The following GRIN2B variants were observed in gnomAD, a reference collection of about 807,000 sequenced individuals.
GRIN2B encodes the protein glutamate ionotropic receptor NMDA type subunit 2B.
GRIN2B carries 5 observed loss-of-function variants against 114.5 expected under a neutral mutation model. The ratio of observed to expected loss-of-function variants is 0.04; its 90% CI spans 0.02 to 0.09. The LOEUF (loss-of-function observed/expected upper bound fraction) is 0.09. Ranked by LOEUF, GRIN2B falls within the 10% of genes least tolerant of loss-of-function variation. The pLI, the probability that GRIN2B is intolerant of heterozygous loss-of-function variation, is 1.00. For synonymous variants in GRIN2B, 787 were observed against 745.1 expected (o/e 1.06, Z -0.92); for missense variants, 1,108 against 1,943.5 (o/e 0.57, Z 8.08).
intron 2 of GRIN2B, among the ~76,000 whole-genome samples, chr12:13,929,837 G>A (rs1428426837): frequency 1.3e-5 from 2 of 152,198 alleles, no homozygotes; most frequent in African/African-American, 4.8e-5. Flanking sequence ...ATGGTTCACT[G>A]CAATGGTTAA....
chr12:13,761,873 AAGT>A (rs1251797137), intron 3 of GRIN2B, among the ~76,000 whole-genome samples: 2 of 152,238 alleles, frequency 1.3e-5, no homozygotes, highest in African/African-American at 4.8e-5. Flanking sequence ...AGTGTTAATT[AAGT>A]AGTAGCGTTA....
intron 5 of GRIN2B, among the ~76,000 whole-genome samples, chr12:13,619,339 C>A (rs746936177): frequency 2.6e-5 from 4 of 152,138 alleles, no homozygotes; most frequent in Non-Finnish European, 5.9e-5. Flanking sequence ...ATTGCAATAA[C>A]AATGGTATAT....
intron 10 of GRIN2B, among the ~76,000 whole-genome samples, chr12:13,589,180 G>A (rs531980435): frequency 7.2e-5 from 11 of 152,264 alleles, no homozygotes; most frequent in African/African-American, 1.9e-4. Context: ...ATTCAATAAC[G>A]ATTAAGCTAA....
At chr12:13,688,135 A>C (rs751179202) in intron 4 of GRIN2B, among the ~76,000 whole-genome samples, 20 of 152,178 alleles carry the variant, frequency 1.3e-4, no homozygotes, top group Non-Finnish European at 2.4e-4. Context: ...GAATGATTCT[A>C]AAGCCCATTT....
At chr12:13,842,761 T>C (rs1865399284) in intron 3 of GRIN2B, among the ~76,000 whole-genome samples, 1 of 152,030 alleles carries the variant, frequency 6.6e-6, no homozygotes, top group South Asian at 2.1e-4. Flanking sequence ...GAAAATGGGG[T>C]CTAGTGAAGT....
At chr12:13,734,273 A>G (rs1420146481) in intron 4 of GRIN2B, among the ~76,000 whole-genome samples, 1 of 152,220 alleles carries the variant, frequency 6.6e-6, no homozygotes, top group African/African-American at 2.4e-5. Flanking sequence ...GGCACAAGCT[A>G]ATGAGGATAG....
intron 3 of GRIN2B, among the ~76,000 whole-genome samples, chr12:13,835,244 C>T (rs1415966765): frequency 6.6e-6 from 1 of 151,922 alleles, no homozygotes; most frequent in African/African-American, 2.4e-5. Context: ...TTGTCCTTAC[C>T]CTCAGATTAC....
intron 9 of GRIN2B, among the ~76,000 whole-genome samples, chr12:13,611,513 C>T (rs1949365218): frequency 6.6e-6 from 1 of 152,146 alleles, no homozygotes; most frequent in South Asian, 2.1e-4. Flanking sequence ...GGCTTGGGGC[C>T]AGGCATAAAG....
intron 3 of GRIN2B, among the ~76,000 whole-genome samples, chr12:13,801,340 T>C (rs918829029): frequency 1.8e-4 from 28 of 152,294 alleles, no homozygotes; most frequent in Middle Eastern, 6.8e-3. Context: ...TATTATCTAG[T>C]GTCAATTCCC....
At chr12:13,863,062 G>A (rs1026474762) in intron 3 of GRIN2B, among the ~76,000 whole-genome samples, 11 of 152,152 alleles carry the variant, frequency 7.2e-5, no homozygotes, top group Admixed American at 1.3e-4. Context: ...CTTATTTGGC[G>A]GAGAGAAAGA....
At chr12:13,623,912 T>C (rs1354051108) in intron 5 of GRIN2B, among the ~76,000 whole-genome samples, 3 of 152,246 alleles carry the variant, frequency 2.0e-5, no homozygotes, top group Non-Finnish European at 4.4e-5. Flanking sequence ...TAGCTTTTCC[T>C]ATACTACATG....
chr12:13,629,280 G>A (rs1042427101), intron 5 of GRIN2B, among the ~76,000 whole-genome samples: 22 of 152,164 alleles, frequency 1.4e-4, no homozygotes, highest in African/African-American at 5.3e-4. Context: ...AGATATTCTA[G>A]ACTATAGGCT....
chr12:13,607,389 ATAT>A (rs1949290022), intron 10 of GRIN2B, among the ~76,000 whole-genome samples: 5 of 75,400 alleles, frequency 6.6e-5, no homozygotes, highest in Non-Finnish European at 9.4e-5. Flanking sequence ...TATATAATAT[ATAT>A]TATATATAAT....
At chr12:13,893,987 C>T (rs1246358589) in intron 2 of GRIN2B, among the ~76,000 whole-genome samples, 4 of 151,956 alleles carry the variant, frequency 2.6e-5, no homozygotes, top group African/African-American at 9.7e-5. Flanking sequence ...TCCGATATTA[C>T]TCATAATTAC....
chr12:13,838,554 C>A (rs1485575430), intron 3 of GRIN2B, among the ~76,000 whole-genome samples: 1 of 152,214 alleles, frequency 6.6e-6, no homozygotes, highest in African/African-American at 2.4e-5. Flanking sequence ...CTGGCCTCCA[C>A]TTCCTACACT....
At chr12:13,580,146 C>G (rs1290671183) in intron 10 of GRIN2B, among the ~76,000 whole-genome samples, 1 of 152,204 alleles carries the variant, frequency 6.6e-6, no homozygotes, top group African/African-American at 2.4e-5. Flanking sequence ...CCAGTCAAGG[C>G]CATCTCCTGA....
At chr12:13,695,912 G>C (rs1028522907) in intron 4 of GRIN2B, among the ~76,000 whole-genome samples, 4 of 152,142 alleles carry the variant, frequency 2.6e-5, no homozygotes, top group Non-Finnish European at 5.9e-5. Context: ...GTGAAGAGTG[G>C]ATGGATGTGA....
intron 10 of GRIN2B, among the ~76,000 whole-genome samples, chr12:13,600,623 C>T (rs921371973): frequency 3.9e-5 from 6 of 152,102 alleles, no homozygotes; most frequent in Admixed American, 6.6e-5. Context: ...AATAAAGTAT[C>T]TTCCAGTTCT....
chr12:13,904,797 G>A (rs1381386442), intron 2 of GRIN2B, among the ~76,000 whole-genome samples: 1 of 151,952 alleles, frequency 6.6e-6, no homozygotes, highest in African/African-American at 2.4e-5. Context: ...TTGTTCTTGA[G>A]AAGTCAGGAG....
Sources: gnomAD v4.1 joint callset for allele counts (sites outside exome capture counted in the v4.1 genomes callset) on GRCh38, gnomAD v4.1.1 for gene constraint, MANE v1.5 for transcripts, NCBI Gene and HGNC (gene_info 2026-07-23, HGNC 2026-07-21) for gene names.